MYCBP2: variants seen among roughly 807,000 people sequenced by gnomAD.
MYCBP2 encodes the protein E3 ubiquitin-protein ligase MYCBP2.
In MYCBP2, 120 loss-of-function variants were observed where a neutral mutation model predicts 525.3. That is an observed-to-expected ratio of 0.23 (90% confidence interval 0.20 to 0.27). MYCBP2 has a LOEUF of 0.27. Among genes scored for constraint, MYCBP2 ranks in the 10% least tolerant of loss-of-function variants. The pLI is 1.00. For missense variants in MYCBP2, 4,149 were observed against 5,657.1 expected (o/e 0.73, Z 8.55); for synonymous variants, 1,894 against 1,955.8 (o/e 0.97, Z 0.83).
At chr13:77,163,459 G>A (rs532983468) in intron 43 of MYCBP2, among the ~76,000 whole-genome samples, 1 of 152,172 alleles carries the variant, frequency 6.6e-6, no homozygotes, top group South Asian at 2.1e-4. Flanking sequence ...AGTGGGAAGA[G>A]TAATCTTCAA....
rs553221722 is a variant in MYCBP2, at chr13:77,140,801, C to A, written c.7401+45G>T. 2.8e-6 allele frequency: 4 copies of A among 1,415,118 alleles called. No individual in the cohort carries two copies. In the African/African-American group the frequency reaches 5.8e-5, roughly 20 times the overall value. 87.7% of individuals were successfully genotyped at this position (1,415,118 alleles called of 1,614,324 possible). ...GCCATTTTGAAGCATCAGTGACAAA[C>A]GTAAAAATTGAATGATTCCGGCTCT... On this transcript the variant is annotated intron_variant, in intron 50 of 82. Coordinates refer to ENST00000544440, the MANE Select transcript of MYCBP2 (RefSeq NM_015057.5).
intron 15 of MYCBP2, among the ~76,000 whole-genome samples, chr13:77,245,528 T>C (rs2069711909): frequency 1.3e-5 from 2 of 151,794 alleles, no homozygotes. Flanking sequence ...ACACTGCATG[T>C]TCTCACTCAT....
intron 63 of MYCBP2, 197 bp from the exon 64 acceptor site, chr13:77,082,190 G>A: frequency 6.2e-6 from 3 of 481,728 alleles, no homozygotes; most frequent in Non-Finnish European, 7.2e-6. Flanking sequence ...TTTGGAACAA[G>A]GTAAATTCTA....
chr13:77,119,929 T>C (rs2050399216), intron 55 of MYCBP2, among the ~76,000 whole-genome samples: 1 of 152,212 alleles, frequency 6.6e-6, no homozygotes, highest in Admixed American at 6.5e-5. Context: ...CAAAATCTCA[T>C]GTTTAAAAAG....
At chr13:77,219,268 C>A (rs764305504) in intron 20 of MYCBP2, among the ~76,000 whole-genome samples, 2 of 152,126 alleles carry the variant, frequency 1.3e-5, no homozygotes, top group East Asian at 1.9e-4. Flanking sequence ...AAAGTACATG[C>A]CAAATGCTCT....
In MYCBP2 at chr13:77,158,109, C is replaced by A. The variant is rs1372335675; in HGVS notation, c.6598G>T (p.Val2200Leu). The A allele has an allele frequency of 6.5e-7, 1 of 1,542,886 alleles. No homozygotes were observed. Residue 2200 changes from valine to leucine, a missense_variant and splice_region_variant, in exon 45 of 83, where the codon GTG becomes TTG. Around this residue, in one of 21 missense-constraint regions of MYCBP2, gnomAD observed 692 missense variants for 852.7 expected, o/e 0.81. Transcript: ENST00000544440. Reference sequence around the variant, plus strand: ...AGAATTCCAGAATGGGTTTTGCACACCTGTTAAGTAAAAAAGAATATTTAT... The same window carrying A: ...AGAATTCCAGAATGGGTTTTGCACAACTGTTAAGTAAAAAAGAATATTTAT... The part of the protein sequence containing the change: ...LEILEEAALQ[V>L]CKTHSGILGK...
chr13:77,298,491 C>T (rs1009802887), intron 1 of MYCBP2, among the ~76,000 whole-genome samples: 1 of 152,042 alleles, frequency 6.6e-6, no homozygotes, highest in Admixed American at 6.6e-5. Flanking sequence ...TAGCCTCTGT[C>T]CAGAAAAGTT....
At chr13:77,289,767 T>TA (rs1352828984) in intron 2 of MYCBP2, among the ~76,000 whole-genome samples, 2 of 151,972 alleles carry the variant, frequency 1.3e-5, no homozygotes, top group Non-Finnish European at 2.9e-5. Context: ...TTTTTACTTG[T>TA]AAAAAAACAT....
intron 59 of MYCBP2, among the ~76,000 whole-genome samples, chr13:77,091,405 C>A (rs1183320238): frequency 1.4e-5 from 2 of 144,198 alleles, no homozygotes; most frequent in South Asian, 4.5e-4. Context: ...AAAAATTACA[C>A]AAATTTAAAA....
chr13:77,288,042 G>C (rs1019327637), intron 3 of MYCBP2, 119 bp downstream of exon 3: 1 of 1,009,928 alleles, frequency 9.9e-7, no homozygotes, highest in African/African-American at 1.6e-5. Context: ...CATAAGCCGT[G>C]TTATTTTTAG....
intron 1 of MYCBP2, among the ~76,000 whole-genome samples, chr13:77,311,567 T>C (rs1421917112): frequency 7.6e-6 from 1 of 130,832 alleles, no homozygotes; most frequent in Non-Finnish European, 1.6e-5. Context: ...TTTTTTTTGT[T>C]TTTTTTTTTT....
chr13:77,181,548 AAT>A (rs1415101977), intron 33 of MYCBP2, among the ~76,000 whole-genome samples, 151 bp downstream of exon 33: 1 of 152,162 alleles, frequency 6.6e-6, no homozygotes, highest in Admixed American at 6.5e-5. Context: ...TCATTTTGTA[AAT>A]ATACTTAAAA....
At chr13:77,233,122 G>T in intron 18 of MYCBP2, 34 bp downstream of exon 18, 1 of 1,556,898 alleles carries the variant, frequency 6.4e-7, no homozygotes, top group Non-Finnish European at 8.8e-7. Flanking sequence ...AATTGGGAAA[G>T]TATCCCACCT....
chr13:77,180,084 T>C (rs1266247286), intron 34 of MYCBP2, 43 bp downstream of exon 34: 1 of 1,484,894 alleles, frequency 6.7e-7, no homozygotes, highest in South Asian at 1.3e-5. Flanking sequence ...GTAAAAAACT[T>C]ACACATGTGC....
intron 27 of MYCBP2, 35 bp from the exon 28 acceptor site, chr13:77,191,848 T>G (rs747060877): frequency 1.3e-6 from 2 of 1,599,378 alleles, no homozygotes; most frequent in Non-Finnish European, 1.7e-6. Flanking sequence ...AACAATATTT[T>G]CTTACTTCTC....
chr13:77,202,663 G>C (rs567330724), intron 26 of MYCBP2, among the ~76,000 whole-genome samples: 1 of 151,700 alleles, frequency 6.6e-6, no homozygotes. Flanking sequence ...CTGGCAAAAC[G>C]AATCCAGCAG....
chr13:77,131,635 C>G (rs2052870504), intron 52 of MYCBP2, among the ~76,000 whole-genome samples: 1 of 152,086 alleles, frequency 6.6e-6, no homozygotes, highest in Non-Finnish European at 1.5e-5. Flanking sequence ...CAATTTCTCA[C>G]TATTAAAATA....
At chr13:77,221,688 T>C (rs1455490359) in intron 20 of MYCBP2, among the ~76,000 whole-genome samples, 1 of 152,152 alleles carries the variant, frequency 6.6e-6, no homozygotes, top group Non-Finnish European at 1.5e-5. Context: ...ACCAGCTAAA[T>C]AACAACAACA....
intron 55 of MYCBP2, among the ~76,000 whole-genome samples, chr13:77,103,571 T>A (rs1000939673): frequency 2.0e-5 from 3 of 152,144 alleles, no homozygotes; most frequent in Non-Finnish European, 2.9e-5. Context: ...ATATCTCTGA[T>A]AAATCAAAAT....
Sources: allele counts gnomAD v4.1 joint callset (sites outside exome capture counted in the v4.1 genomes callset), GRCh38; gene constraint gnomAD v4.1.1; regional missense constraint gnomAD v4.1.1; transcripts MANE v1.5; gene names NCBI Gene and HGNC (gene_info 2026-07-23, HGNC 2026-07-21).